The following IL7 variants were observed in gnomAD, a reference collection of about 807,000 sequenced individuals.
IL7 encodes interleukin-7.
Under a neutral mutation model 21.6 loss-of-function variants are expected in IL7, and 3 were observed. The ratio of observed to expected loss-of-function variants is 0.14; its 90% CI spans 0.06 to 0.36. The LOEUF (loss-of-function observed/expected upper bound fraction) is 0.36, where lower values mean the gene tolerates loss of function less well. IL7 is among the 10% of genes least tolerant of loss of function. The pLI is 1.00. For synonymous variants in IL7, 62 were observed against 68.1 expected (o/e 0.91, Z 0.44); for missense variants, 175 against 200.2 (o/e 0.87, Z 0.76).
chr8:78,716,572 G>T (rs1811112600), downstream of IL7, among the ~76,000 whole-genome samples: 1 of 152,090 alleles, frequency 6.6e-6, no homozygotes, highest in Admixed American at 6.6e-5. Context: ...TGTGACCAAG[G>T]AGAGAGACTT....
intron 2 of IL7, among the ~76,000 whole-genome samples, chr8:78,774,098 T>C (rs892012312): frequency 5.9e-5 from 9 of 152,076 alleles, no homozygotes; most frequent in Non-Finnish European, 1.0e-4. Context: ...AAAAAACATA[T>C]ATTTGTGAGT....
intron 2 of IL7, among the ~76,000 whole-genome samples, chr8:78,747,471 A>G (rs1488198757): frequency 1.3e-5 from 2 of 152,152 alleles, no homozygotes; most frequent in Non-Finnish European, 2.9e-5. Context: ...CAACCTATCC[A>G]TGGCCTTGTG....
chr8:78,748,790 C>T (rs1812067456), intron 2 of IL7, among the ~76,000 whole-genome samples: 1 of 151,752 alleles, frequency 6.6e-6, no homozygotes, highest in African/African-American at 2.4e-5. Context: ...ATAGTAAATG[C>T]CAATTAAAAG....
At chr8:78,799,618 A>G (rs1460128766) in intron 1 of IL7, among the ~76,000 whole-genome samples, 4 of 152,100 alleles carry the variant, frequency 2.6e-5, no homozygotes, top group Non-Finnish European at 5.9e-5. Context: ...AGTACCTACC[A>G]TGTGTCAGGA....
intron 2 of IL7, among the ~76,000 whole-genome samples, chr8:78,781,775 G>A (rs779389185): frequency 1.3e-5 from 2 of 152,088 alleles, no homozygotes; most frequent in Admixed American, 1.3e-4. Context: ...GTCTTGCTAG[G>A]TTGAGGAAGT....
chr8:78,697,654 A>C, intron 3 of IL7: 1 of 613,698 alleles, frequency 1.6e-6, no homozygotes, highest in South Asian at 2.4e-5. Flanking sequence ...TTAAAATAAG[A>C]TAACTTTGAG....
chr8:78,797,824 T>G, intron 2 of IL7: 1 of 305,844 alleles, frequency 3.3e-6, no homozygotes, highest in Non-Finnish European at 6.1e-6. Context: ...TACAAGAAAT[T>G]TACTAAAAGG....
At chr8:78,721,786 C>CA (rs149779035) in intron 3 of IL7, among the ~76,000 whole-genome samples, 8,715 of 151,998 alleles carry the variant, frequency 0.057, 297 homozygotes, top group Middle Eastern at 0.082. Flanking sequence ...AAAGCCTTTA[C>CA]AACATTTGTG....
chr8:78,715,226 A>G (rs946923379), downstream of IL7: 10 of 1,613,436 alleles, frequency 6.2e-6, no homozygotes, highest in Non-Finnish European at 6.8e-6. Flanking sequence ...TATAGAGCTA[A>G]TGTCAAACCC....
At chr8:78,794,114 T>TTCTTCCGAACTCC (rs1813780102) in intron 2 of IL7, among the ~76,000 whole-genome samples, 1 of 152,162 alleles carries the variant, frequency 6.6e-6, no homozygotes. Context: ...TGGAATCAAC[T>TTCTTCCGAACTCC]TCTTCCGAAC....
At chr8:78,735,276 C>CTTTTTTTTTTTTTTTTTTGTTTTTTTTT in intron 5 of IL7, among the ~76,000 whole-genome samples, 3 of 78,516 alleles carry the variant, frequency 3.8e-5, no homozygotes, top group Non-Finnish European at 7.0e-5. Flanking sequence ...CTTTTCTTTT[C>CTTTTTTTTTTTTTTTTTTGTTTTTTTTT]TTTTTTTTTT....
intron 2 of IL7, among the ~76,000 whole-genome samples, chr8:78,779,818 G>T (rs1226797354): frequency 6.6e-6 from 1 of 152,108 alleles, no homozygotes; most frequent in Non-Finnish European, 1.5e-5. Context: ...AATGGTACCA[G>T]CTCCTCTTTG....
At chr8:78,675,760 T>G in exon 5 of IL7, 1 of 1,549,872 alleles carries the variant, frequency 6.5e-7, no homozygotes, top group Non-Finnish European at 8.8e-7. Context: ...TTATATAAAT[T>G]ATTTATTAAA....
rs1811480388 is a variant in IL7 at position 78,733,566 on chromosome 8, T to A, written c.*147A>T. 1.4e-6 allele frequency: 1 copy of A among 704,312 alleles called. No individual in the cohort carries two copies. Among genetic ancestry groups the A allele is most frequent in the East Asian group, 3.0e-5 (1 of 33,646 alleles). The allele number at this position is 704,312 out of a possible 1,614,324, so 43.6% of individuals were successfully genotyped here. ...GTATTCATCTTCTAGTAATACAATATGCATTTCTCAAATGCCCTAATCCGT... is the reference window on the plus strand; with the variant it reads ...GTATTCATCTTCTAGTAATACAATAAGCATTTCTCAAATGCCCTAATCCGT... On this transcript the variant is annotated 3_prime_UTR_variant, in exon 6 of 6. Transcript: ENST00000263851.
intron 2 of IL7, among the ~76,000 whole-genome samples, chr8:78,745,965 T>C (rs1442778350): frequency 6.6e-6 from 1 of 152,128 alleles, no homozygotes; most frequent in Non-Finnish European, 1.5e-5. Context: ...TCAAGTCTTC[T>C]CCTGCTTTTC....
intron 4 of IL7, among the ~76,000 whole-genome samples, chr8:78,680,718 C>T (rs1377534312): frequency 3.3e-5 from 5 of 152,060 alleles, no homozygotes; most frequent in Admixed American, 6.6e-5. Flanking sequence ...AGAAATTACC[C>T]GTAAGAGGAG....
At chr8:78,685,283 C>A (rs1294440507) in intron 4 of IL7, among the ~76,000 whole-genome samples, 2 of 151,988 alleles carry the variant, frequency 1.3e-5, no homozygotes, top group Non-Finnish European at 2.9e-5. Flanking sequence ...AAATTTGATT[C>A]AATTTGTCAC....
chr8:78,755,492 T>G (rs905984933), intron 2 of IL7, among the ~76,000 whole-genome samples: 1 of 152,008 alleles, frequency 6.6e-6, no homozygotes, highest in Non-Finnish European at 1.5e-5. Context: ...TGTATTCTCT[T>G]CAGTCTTTCA....
intron 1 of IL7, among the ~76,000 whole-genome samples, chr8:78,801,145 C>G (rs1476363948): frequency 7.2e-5 from 11 of 152,132 alleles, no homozygotes; most frequent in Non-Finnish European, 1.0e-4. Flanking sequence ...CCATTGTTGT[C>G]ATTGAATAAT....
Sources: gnomAD v4.1 joint callset for allele counts (sites outside exome capture counted in the v4.1 genomes callset) on GRCh38, gnomAD v4.1.1 for gene constraint, MANE v1.5 for transcripts, NCBI Gene and HGNC (gene_info 2026-07-23, HGNC 2026-07-21) for gene names.